The following FRMD5 variants were observed in gnomAD, a reference collection of about 807,000 sequenced individuals.
FRMD5 encodes the protein FERM domain-containing protein 5.
Under a neutral mutation model 69.0 loss-of-function variants are expected in FRMD5, and 20 were observed. The observed-to-expected ratio is 0.29, with a 90% CI of 0.20 to 0.42. The LOEUF (loss-of-function observed/expected upper bound fraction) is 0.42, where lower values mean the gene tolerates loss of function less well. Among genes scored for constraint, FRMD5 ranks in the 10% least tolerant of loss-of-function variants. FRMD5 has a pLI of 1.00. For synonymous variants in FRMD5, 271 were observed against 260.1 expected, an observed-to-expected ratio of 1.04 and a Z score of -0.40; for missense variants, 595 against 708.6, an observed-to-expected ratio of 0.84 and a Z score of 1.82.
At chr15:43,973,815 T>C (rs919087508) in intron 1 of FRMD5, among the ~76,000 whole-genome samples, 6 of 151,346 alleles carry the variant, frequency 4.0e-5, no homozygotes, top group Non-Finnish European at 5.9e-5. Flanking sequence ...GAAACTTATA[T>C]ACCATTGGCT....
chr15:43,873,772 G>C lies in FRMD5; in HGVS notation c.*113C>G. Reference sequence around the variant, plus strand: ...TAGGCTGCAGTGGACTTTGAGTCATGAGAGGAGGACTTGGTATATGTGCCG... The same window carrying C: ...TAGGCTGCAGTGGACTTTGAGTCATCAGAGGAGGACTTGGTATATGTGCCG... On this transcript the variant is annotated 3_prime_UTR_variant, in exon 14 of 14. Coordinates refer to ENST00000417257, the MANE Select transcript of FRMD5 (RefSeq NM_032892.5). 6.5e-7 allele frequency: 1 copy of C among 1,535,456 alleles called. No homozygotes were observed. Among genetic ancestry groups the C allele is most frequent in the Non-Finnish European group, 8.7e-7 (1 of 1,144,812 alleles).
intron 1 of FRMD5, among the ~76,000 whole-genome samples, chr15:44,143,699 G>A (rs1460900618): frequency 6.6e-6 from 1 of 151,192 alleles, no homozygotes; most frequent in Non-Finnish European, 1.5e-5. Context: ...GCCGAGGCAG[G>A]CTGATCACGA....
chr15:44,002,711 C>T (rs1338135493), intron 1 of FRMD5, among the ~76,000 whole-genome samples: 1 of 152,164 alleles, frequency 6.6e-6, no homozygotes, highest in East Asian at 1.9e-4. Flanking sequence ...CTATAGATAA[C>T]ATAACCTATT....
intron 1 of FRMD5, among the ~76,000 whole-genome samples, chr15:44,176,230 A>T (rs2077892187): frequency 6.6e-6 from 1 of 152,216 alleles, no homozygotes; most frequent in South Asian, 2.1e-4. Flanking sequence ...AAACCCATAT[A>T]TTTATGGTCT....
intron 1 of FRMD5, among the ~76,000 whole-genome samples, chr15:44,158,498 C>A (rs910260903): frequency 6.6e-6 from 1 of 152,126 alleles, no homozygotes; most frequent in Non-Finnish European, 1.5e-5. Context: ...TTTAAGACCA[C>A]ATATATTTTC....
At chr15:43,989,446 C>A (rs1889561720) in intron 1 of FRMD5, 1 of 796,242 alleles carries the variant, frequency 1.3e-6, no homozygotes, top group South Asian at 1.3e-5. Flanking sequence ...ATGATGATGA[C>A]CTGGCCGTCG....
At chr15:44,061,805 T>C (rs923601965) in intron 1 of FRMD5, among the ~76,000 whole-genome samples, 2 of 152,200 alleles carry the variant, frequency 1.3e-5, no homozygotes, top group Non-Finnish European at 2.9e-5. Context: ...ATTTCCCATA[T>C]GGTGTTAAAT....
intron 1 of FRMD5, among the ~76,000 whole-genome samples, chr15:43,961,251 T>C (rs1347995583): frequency 6.6e-6 from 1 of 152,136 alleles, no homozygotes; most frequent in Non-Finnish European, 1.5e-5. Flanking sequence ...AAATACAAAC[T>C]ACCATCACAG....
chr15:44,189,472 T>A (rs565385131), intron 1 of FRMD5, among the ~76,000 whole-genome samples: 4 of 151,490 alleles, frequency 2.6e-5, no homozygotes, highest in South Asian at 2.1e-4. Context: ...GTATTTACAG[T>A]GCTTGTAAAA....
chr15:44,117,476 C>T (rs1179406891), intron 1 of FRMD5, among the ~76,000 whole-genome samples: 4 of 152,070 alleles, frequency 2.6e-5, no homozygotes, highest in Non-Finnish European at 4.4e-5. Context: ...ATTGGGGTAG[C>T]GGAAAGACCT....
chr15:44,181,260 T>C (rs2140565362), intron 1 of FRMD5, among the ~76,000 whole-genome samples: 1 of 152,040 alleles, frequency 6.6e-6, no homozygotes, highest in Non-Finnish European at 1.5e-5. Flanking sequence ...CCCAGGCTGG[T>C]CTCAAACTCC....
In FRMD5 at chr15:43,873,806, G is replaced by A. The variant is rs1229150949; in HGVS notation, c.*79C>T. 3.8e-6 allele frequency: 6 copies of A among 1,567,536 alleles called. No homozygotes were observed. The highest frequency in any genetic ancestry group is 2.3e-5 in the East Asian group (1 of 42,584). On this transcript the variant is annotated 3_prime_UTR_variant, in exon 14 of 14. Coordinates refer to ENST00000417257, the MANE Select transcript of FRMD5 (RefSeq NM_032892.5). ...ACTTGGTATATGTGCCGATGGTTCC[G>A]CGATGGGTCCCATTGCTGGGAATGG...
intron 1 of FRMD5, among the ~76,000 whole-genome samples, chr15:43,990,911 G>T (rs1595595716): frequency 6.6e-6 from 1 of 152,266 alleles, no homozygotes; most frequent in Middle Eastern, 3.4e-3. Context: ...ATAGATGACT[G>T]AACAAACAAA....
rs2078262390 is a variant in FRMD5 at position 44,194,936 on chromosome 15, G to C, written c.102+17C>G. On this transcript the variant is annotated intron_variant, in intron 1 of 13. Coordinates refer to ENST00000417257, the MANE Select transcript of FRMD5 (RefSeq NM_032892.5). ...CAAGGGGGTCCCGCGGGCGGGGCGGGGCGGCGCGGCGCTGACCTGGATGGT... is the reference window on the plus strand; with the variant it reads ...CAAGGGGGTCCCGCGGGCGGGGCGGCGCGGCGCGGCGCTGACCTGGATGGT... The C allele has an allele frequency of 6.6e-7, 1 of 1,513,872 alleles. No homozygotes were observed. The highest frequency in any genetic ancestry group is 8.8e-7 in the Non-Finnish European group (1 of 1,133,516). The allele number at this position is 1,513,872 out of a possible 1,614,324, so 93.8% of individuals were successfully genotyped here. A position where few individuals can be genotyped will look rare whatever the true frequency, so the allele number is the denominator to read the frequency against.
chr15:43,996,955 A>T (rs1045503786), intron 1 of FRMD5, among the ~76,000 whole-genome samples: 3 of 152,090 alleles, frequency 2.0e-5, no homozygotes, highest in African/African-American at 7.2e-5. Context: ...GGGGGCTTTT[A>T]AAAAAATGAT....
rs183252868 is a variant in FRMD5 at position 43,878,662 on chromosome 15, C to T, written c.1136-4200G>A. Among the ~76,000 whole-genome samples, 5 of 152,306 alleles carry T rather than the reference C, an allele frequency of 3.3e-5. No homozygotes were observed. In the East Asian group the frequency reaches 9.7e-4, roughly 29 times the overall value. On this transcript the variant is annotated intron_variant, in intron 13 of 13. Transcript: ENST00000417257. ...TGCTTGGCTCCTTTCCCAGGCAGTC[C>T]TCAGCCCCATTGCATAGGGCGCCTG...
At chr15:44,048,536 C>T (rs751880129) in intron 1 of FRMD5, among the ~76,000 whole-genome samples, 36 of 152,032 alleles carry the variant, frequency 2.4e-4, no homozygotes, top group Non-Finnish European at 3.2e-4. Flanking sequence ...GTGACATTTG[C>T]AGCACAAAGT....
chr15:44,027,011 G>T (rs936509135), intron 1 of FRMD5, among the ~76,000 whole-genome samples: 1 of 152,156 alleles, frequency 6.6e-6, no homozygotes, highest in African/African-American at 2.4e-5. Context: ...ATAGCAAGAA[G>T]AATCTGTGGT....
chr15:44,030,083 CA>C (rs1891611855), intron 1 of FRMD5, among the ~76,000 whole-genome samples: 1 of 152,040 alleles, frequency 6.6e-6, no homozygotes, highest in South Asian at 2.1e-4. Context: ...ACATGGGAAA[CA>C]AAAAAGTTGA....
Sources: gnomAD v4.1 joint callset for allele counts (sites outside exome capture counted in the v4.1 genomes callset) on GRCh38, gnomAD v4.1.1 for gene constraint, MANE v1.5 for transcripts, NCBI Gene and HGNC (gene_info 2026-07-23, HGNC 2026-07-21) for gene names.